Variants in CSMD1 observed in about 807,000 individuals in gnomAD.
CSMD1 encodes the protein CUB and Sushi multiple domains 1, also known as CUB and sushi domain-containing protein 1.
CSMD1 carries 213 observed loss-of-function variants against 417.5 expected under a neutral mutation model. The observed-to-expected ratio is 0.51, with a 90% CI of 0.46 to 0.57. The LOEUF (loss-of-function observed/expected upper bound fraction) is 0.57, where lower values mean the gene tolerates loss of function less well. Among genes scored for constraint, CSMD1 ranks in the 20% least tolerant of loss-of-function variants. The pLI, the probability that CSMD1 is intolerant of heterozygous loss-of-function variation, is 0.00. For missense variants in CSMD1, 6,923 were observed against 4,529.7 expected (o/e 1.53, Z -15.17); for synonymous variants, 2,862 against 1,736.8 (o/e 1.65, Z -16.11).
At chr8:3,375,254 C>A (rs866545709) in intron 18 of CSMD1, 1 of 152,212 alleles carries the variant, frequency 6.6e-6, no homozygotes, top group African/African-American at 2.4e-5. Context: ...CTTCTAACTA[C>A]TCCCCACTAT....
intron 11 of CSMD1, among the ~76,000 whole-genome samples, chr8:3,480,245 C>G (rs1817661794): frequency 6.6e-6 from 1 of 152,084 alleles, no homozygotes; most frequent in Admixed American, 6.5e-5. Context: ...ACCTGTAGTC[C>G]CTACTACTCA....
At chr8:3,456,713 GA>G (rs1221546598) in intron 12 of CSMD1, among the ~76,000 whole-genome samples, 1 of 152,064 alleles carries the variant, frequency 6.6e-6, no homozygotes, top group Non-Finnish European at 1.5e-5. Flanking sequence ...CCATAAAGAC[GA>G]AATATTTGGA....
intron 5 of CSMD1, among the ~76,000 whole-genome samples, chr8:3,988,266 T>A (rs1162737831): frequency 6.6e-6 from 1 of 152,176 alleles, no homozygotes. Flanking sequence ...CTCCATCTTG[T>A]CCCAGAAGGC....
chr8:4,735,715 C>G (rs1810190183), intron 1 of CSMD1, among the ~76,000 whole-genome samples: 1 of 152,134 alleles, frequency 6.6e-6, no homozygotes, highest in African/African-American at 2.4e-5. Context: ...GCTTTTATCT[C>G]CCTAATATCT....
At chr8:3,821,405 G>T (rs769996684) in intron 5 of CSMD1, among the ~76,000 whole-genome samples, 6 of 152,170 alleles carry the variant, frequency 3.9e-5, no homozygotes, top group Admixed American at 3.9e-4. Context: ...CCACACACAC[G>T]CGCATGTGGA....
At chr8:3,639,858 TG>T (rs1175296057) in intron 7 of CSMD1, among the ~76,000 whole-genome samples, 1 of 152,218 alleles carries the variant, frequency 6.6e-6, no homozygotes, top group Non-Finnish European at 1.5e-5. Context: ...TTTTATCAGC[TG>T]GAAAAATATG....
chr8:3,727,914 A>C (rs1802587603), intron 6 of CSMD1, among the ~76,000 whole-genome samples: 2 of 152,332 alleles, frequency 1.3e-5, no homozygotes, highest in African/African-American at 4.8e-5. Context: ...TAGAGTAGTC[A>C]AATTCAAAGA....
intron 5 of CSMD1, among the ~76,000 whole-genome samples, chr8:3,923,176 C>A (rs1256190501): frequency 2.6e-5 from 4 of 152,122 alleles, no homozygotes; most frequent in Admixed American, 2.0e-4. Context: ...GACCTCTCCT[C>A]ATCAGTGCAC....
At chr8:4,549,565 A>G (rs1275946660) in intron 2 of CSMD1, among the ~76,000 whole-genome samples, 2 of 152,052 alleles carry the variant, frequency 1.3e-5, no homozygotes, top group South Asian at 2.1e-4. Flanking sequence ...AGCCTCCCGC[A>G]TTACGTGATG....
intron 5 of CSMD1, among the ~76,000 whole-genome samples, chr8:3,770,078 C>T (rs567913739): frequency 1.4e-4 from 22 of 152,176 alleles, no homozygotes; most frequent in Non-Finnish European, 3.2e-4. Context: ...TCTCTATTTC[C>T]AGATTACTCC....
chr8:4,008,478 G>A (rs993159201), intron 4 of CSMD1, among the ~76,000 whole-genome samples: 1 of 150,194 alleles, frequency 6.7e-6, no homozygotes. Context: ...TAAAATTTCA[G>A]CTCTCCCTTG....
In CSMD1 at chr8:3,275,280, G is replaced by T. The variant is rs190171374; in HGVS notation, c.4153+8864C>A. The stretch of plus-strand genomic sequence containing the variant: ...CCACCGCTCTCTTCTGGCTTGTAGA[G>T]TTTCTGTCAAGAGATCTGCTGTTAG... On this transcript the variant is annotated intron_variant, in intron 26 of 69. Coordinates refer to ENST00000635120, the MANE Select transcript of CSMD1 (RefSeq NM_033225.6). Among the ~76,000 whole-genome samples, 198 of 152,310 alleles carry T rather than the reference G, an allele frequency of 1.3e-3. 1 individual carries two copies. Among genetic ancestry groups the T allele is most frequent in the African/African-American group, 4.6e-3 (191 of 41,566 alleles).
intron 24 of CSMD1, 105 bp downstream of exon 24, chr8:3,308,207 G>A (rs982114808): frequency 8.3e-6 from 7 of 845,932 alleles, no homozygotes; most frequent in Non-Finnish European, 1.3e-5. Flanking sequence ...ACTGGAAAGT[G>A]TGATAAAATT....
Position 4,356,469 on chromosome 8 carries a change from T to C in CSMD1, c.415+63484A>G, listed in dbSNP as rs569461989. On this transcript the variant is annotated intron_variant, in intron 3 of 69. Transcript: ENST00000635120. ...GTATCCTTTTCGTGTAATGACTTCT[T>C]TTCCTCTGAGTAGATACCTGGGAGT... Among the ~76,000 whole-genome samples, 20 of 152,304 alleles carry C rather than the reference T, an allele frequency of 1.3e-4. No homozygotes were observed. In the East Asian group the frequency reaches 3.5e-3, roughly 26 times the overall value.
At chr8:3,948,968 T>C (rs973319630) in intron 5 of CSMD1, among the ~76,000 whole-genome samples, 1 of 152,270 alleles carries the variant, frequency 6.6e-6, no homozygotes, top group Non-Finnish European at 1.5e-5. Context: ...AAAATATTTA[T>C]CACCAGGGTA....
intron 1 of CSMD1, among the ~76,000 whole-genome samples, chr8:4,712,812 A>G (rs937478227): frequency 6.6e-6 from 1 of 152,138 alleles, no homozygotes; most frequent in African/African-American, 2.4e-5. Context: ...CACATACATG[A>G]CTGTACTATC....
intron 1 of CSMD1, among the ~76,000 whole-genome samples, chr8:4,759,142 A>G (rs1379514906): frequency 1.3e-5 from 2 of 152,200 alleles, no homozygotes; most frequent in Admixed American, 6.5e-5. Flanking sequence ...ACTTTGACAC[A>G]TTTGTAAAGG....
intron 10 of CSMD1, among the ~76,000 whole-genome samples, chr8:3,538,630 G>T (rs1798307316): frequency 6.6e-6 from 1 of 152,242 alleles, no homozygotes; most frequent in African/African-American, 2.4e-5. Context: ...CTCAACAAAG[G>T]TATAGAGCTT....
chr8:3,030,679 T>C (rs972292420), intron 50 of CSMD1, among the ~76,000 whole-genome samples: 3 of 151,962 alleles, frequency 2.0e-5, no homozygotes, highest in Non-Finnish European at 4.4e-5. Flanking sequence ...GAAATGGGGT[T>C]TCACCACGTG....
Sources: allele counts gnomAD v4.1 joint callset (sites outside exome capture counted in the v4.1 genomes callset), GRCh38; gene constraint gnomAD v4.1.1; transcripts MANE v1.5; gene names NCBI Gene and HGNC (gene_info 2026-07-23, HGNC 2026-07-21).